CCDC40: variants seen among roughly 807,000 people sequenced by gnomAD.
CCDC40 encodes the protein coiled-coil domain 40 molecular ruler complex subunit.
A neutral mutation model predicts 124.5 loss-of-function variants in CCDC40; 104 were observed. The ratio of observed to expected loss-of-function variants is 0.84; its 90% CI spans 0.71 to 0.98. The LOEUF (loss-of-function observed/expected upper bound fraction) is 0.98. CCDC40 is among the 50% of genes least tolerant of loss of function. The pLI is 0.00. For synonymous variants in CCDC40, 580 were observed against 602.9 expected, an observed-to-expected ratio of 0.96 and a Z score of 0.56; for missense variants, 1,463 against 1,503.9, an observed-to-expected ratio of 0.97 and a Z score of 0.45.
At chr17:80,039,107 C>G (rs1276957002) in intron 2 of CCDC40, among the ~76,000 whole-genome samples, 2 of 152,142 alleles carry the variant, frequency 1.3e-5, no homozygotes, top group African/African-American at 4.8e-5. Flanking sequence ...TGGCTCACGC[C>G]TGTGGTCCCG....
intron 1 of CCDC40, among the ~76,000 whole-genome samples, chr17:80,037,720 T>TATATATATATA (rs1555889200): frequency 8.1e-4 from 114 of 141,268 alleles, no homozygotes; most frequent in East Asian, 2.7e-3. Context: ...TATATATATA[T>TATATATATATA]TCCTGTGCTA....
chr17:80,090,378 GAC>G (rs1043194117), intron 17 of CCDC40: 27 of 1,105,966 alleles, frequency 2.4e-5, no homozygotes, highest in Admixed American at 9.5e-5. Flanking sequence ...ACGAACACAG[GAC>G]ACACACAGCA....
In CCDC40 at chr17:80,087,898, A is replaced by T; in HGVS notation, c.2620-113A>T. The stretch of plus-strand genomic sequence containing the variant: ...ACCCGTTCAAGATGCTTGTAGGGGT[A>T]TTAGAAATCCAGCCTGCAGCCCTGC... On this transcript the variant is annotated intron_variant, in intron 15 of 19. Transcript: ENST00000397545. The surrounding 1 kb of genome is among the most constrained non-coding windows in gnomAD (Gnocchi z 4.5). The T allele has an allele frequency of 2.4e-6, 3 of 1,276,236 alleles. No homozygotes were observed. Among genetic ancestry groups the T allele is most frequent in the Non-Finnish European group, 3.4e-6 (3 of 873,846 alleles). 79.1% of individuals were successfully genotyped at this position (1,276,236 alleles called of 1,614,324 possible).
At chr17:80,059,488 T>TA (rs538629976) in intron 9 of CCDC40, among the ~76,000 whole-genome samples, 260 of 120,842 alleles carry the variant, frequency 2.2e-3, no homozygotes, top group East Asian at 5.8e-3. Flanking sequence ...TACTGCAACT[T>TA]AAAAAAAAAA....
In CCDC40 at chr17:80,089,814, G is replaced by A. The variant is rs745319642; in HGVS notation, c.2762G>A (p.Arg921His). 9.3e-6 allele frequency: 15 copies of A among 1,614,134 alleles called. No homozygotes were observed. Among genetic ancestry groups the A allele is most frequent in the Admixed American group, 3.3e-5 (2 of 60,006 alleles). ...EKKIQLAKEM[R>H]SSVDSEIGQT... ...AAAATCCAACTGGCAAAAGAGATGC[G>A]TTCCTCAGTGGATTCCGAGATCGGC... The change falls in exon 17 of 20, where the codon CGT (arginine) becomes CAT (histidine). Residue 921 changes from arginine to histidine, a missense_variant. Physicochemically the swap from Arg to His is conservative, Grantham distance 29. Transcript: ENST00000397545.
chr17:80,053,852 A>G (rs2037668785), intron 7 of CCDC40, among the ~76,000 whole-genome samples: 1 of 152,194 alleles, frequency 6.6e-6, no homozygotes, highest in Non-Finnish European at 1.5e-5. Flanking sequence ...TGGCCTCCCA[A>G]TGCATACAGA....
rs563371638 is a variant in CCDC40 at position 80,066,286 on chromosome 17, C to G, written c.1562+680C>G. Reference sequence around the variant, plus strand: ...AGCAAGCGCTCAAGAAAGGCTGGACCAAGGAATGAGGGTCTGGCTGGCCCC... The same window carrying G: ...AGCAAGCGCTCAAGAAAGGCTGGACGAAGGAATGAGGGTCTGGCTGGCCCC... On this transcript the variant is annotated intron_variant, in intron 10 of 19. Coordinates refer to ENST00000397545, the MANE Select transcript of CCDC40 (RefSeq NM_017950.4). The surrounding 1 kb of genome is among the most constrained non-coding windows in gnomAD (Gnocchi z 4.4). The G allele has an allele frequency of 3.5e-4, 226 of 653,056 alleles. 1 individual carries two copies. The South Asian group carries it at 3.6e-3, about 10-fold the overall frequency. The allele number at this position is 653,056 out of a possible 1,614,324, so 40.5% of individuals were successfully genotyped here.
Position 80,081,704 on chromosome 17 carries a change from C to A in CCDC40, c.1721C>A (p.Thr574Asn), listed in dbSNP as rs202093340. ...LLQKLTTQCL[T>N]KQVALQSQFN... ...CAGAAGCTCACCACCCAGTGCCTGA[C>A]CAAGCAGGTGGCCCTGCAGAGCCAG... The change falls in exon 11 of 20, where the codon ACC (threonine) becomes AAC (asparagine). Residue 574 changes from threonine (T) to asparagine (N), a missense_variant. Coordinates refer to ENST00000397545, the MANE Select transcript of CCDC40 (RefSeq NM_017950.4). 234 of 1,614,192 alleles carry A rather than the reference C, an allele frequency of 1.4e-4. 2 individuals carry two copies. The East Asian group carries it at 5.0e-3, about 35-fold the overall frequency.
At position 80,087,587 on chromosome 17, in the gene CCDC40, G is replaced by C; in HGVS notation, c.2450-20G>C. The C allele has an allele frequency of 6.2e-7, 1 of 1,612,938 alleles. No homozygotes were observed. The highest frequency in any genetic ancestry group is 8.5e-7 in the Non-Finnish European group (1 of 1,178,980). Reference sequence around the variant, plus strand: ...GTACCCTCCTGGGGTCTCTCCCTGAGTCTCTGTTTTCTGCCATAGGCAAGA... The same window carrying C: ...GTACCCTCCTGGGGTCTCTCCCTGACTCTCTGTTTTCTGCCATAGGCAAGA... On this transcript the variant is annotated intron_variant, in intron 14 of 19. Transcript: ENST00000397545. This position sits in a 1 kb window ranked among gnomAD's most constrained non-coding sequence, Gnocchi z 4.5.
At chr17:80,072,130 G>A (rs903618505) in intron 10 of CCDC40, among the ~76,000 whole-genome samples, 7 of 152,046 alleles carry the variant, frequency 4.6e-5, no homozygotes, top group African/African-American at 9.7e-5. Context: ...CGTGAGCCAC[G>A]GCACCAGCCT....
chr17:80,098,497 G>A (rs2038851690), intron 19 of CCDC40, among the ~76,000 whole-genome samples: 1 of 152,250 alleles, frequency 6.6e-6, no homozygotes, highest in South Asian at 2.1e-4. Flanking sequence ...TATGCGTTAT[G>A]CCAACATCGC....
intron 10 of CCDC40, among the ~76,000 whole-genome samples, chr17:80,080,873 G>A (rs375399666): frequency 5.3e-5 from 8 of 152,156 alleles, no homozygotes; most frequent in Admixed American, 2.0e-4. Context: ...AGTGACTACA[G>A]TTCACGGTAA....
chr17:80,051,788 G>A (rs975108314), intron 7 of CCDC40, among the ~76,000 whole-genome samples: 10 of 152,336 alleles, frequency 6.6e-5, no homozygotes, highest in African/African-American at 1.7e-4. Context: ...GAAGGAGGAC[G>A]CGTGCCCCTA....
chr17:80,050,406 C>T, intron 7 of CCDC40, 123 bp downstream of exon 7: 3 of 770,086 alleles, frequency 3.9e-6, no homozygotes, highest in Non-Finnish European at 6.7e-6. Flanking sequence ...GGGGTTCCCA[C>T]CCTTTTTAGG....
intron 13 of CCDC40, 99 bp from the exon 14 acceptor site, chr17:80,085,904 G>A (rs890967427): frequency 1.6e-5 from 17 of 1,092,216 alleles, no homozygotes; most frequent in Non-Finnish European, 2.0e-5. Context: ...TCCTGACCTC[G>A]GGTGATCCAC....
rs901218376 is a variant in CCDC40 at position 80,042,032 on chromosome 17, A to G, written c.552+1762A>G. Among the ~76,000 whole-genome samples, 71 of 152,166 alleles carry G rather than the reference A, an allele frequency of 4.7e-4. 4 individuals carry two copies. Among genetic ancestry groups the G allele is most frequent in the Non-Finnish European group, 2.9e-5 (2 of 68,026 alleles). ...TATTTAGAATGGGAAAAAAATTGCAACAGATTCCAACCAGTTATTGAGGAC... is the reference window on the plus strand; with the variant it reads ...TATTTAGAATGGGAAAAAAATTGCAGCAGATTCCAACCAGTTATTGAGGAC... On this transcript the variant is annotated intron_variant, in intron 3 of 19. Transcript: ENST00000397545.
At position 80,047,314 on chromosome 17, in the gene CCDC40, C is replaced by T; in HGVS notation, c.588C>T (p.Leu196=). 6.2e-7 allele frequency: 1 copy of T among 1,613,886 alleles called. No individual in the cohort carries two copies. Among genetic ancestry groups the T allele is most frequent in the Non-Finnish European group, 8.5e-7 (1 of 1,179,840 alleles). Residue 196 remains leucine, a synonymous_variant, in exon 4 of 20, where the codon CTC becomes CTT. Coordinates refer to ENST00000397545, the MANE Select transcript of CCDC40 (RefSeq NM_017950.4). The part of the protein sequence containing the change: ...GSTEEPQGQV[L]PMGVQHRFRL... ...CAGAGGAGCCCCAGGGGCAGGTGCTCCCAATGGGCGTCCAGCACCGCTTCC... is the reference window on the plus strand; with the variant it reads ...CAGAGGAGCCCCAGGGGCAGGTGCTTCCAATGGGCGTCCAGCACCGCTTCC...
intron 10 of CCDC40, among the ~76,000 whole-genome samples, chr17:80,074,232 C>T (rs1055754581): frequency 3.3e-5 from 5 of 152,032 alleles, no homozygotes; most frequent in African/African-American, 7.2e-5. Context: ...ACCTTCCGGC[C>T]GGGCGCGGTG....
chr17:80,069,691 C>T (rs972261429), intron 10 of CCDC40, among the ~76,000 whole-genome samples: 12 of 151,684 alleles, frequency 7.9e-5, no homozygotes, highest in Non-Finnish European at 1.5e-4. Flanking sequence ...GTGGAGGTGG[C>T]GGTGAAGCAA....
Sources: gnomAD v4.1 joint callset for allele counts (sites outside exome capture counted in the v4.1 genomes callset) on GRCh38, gnomAD v4.1.1 for gene constraint, Gnocchi (gnomAD v3.1) non-coding constraint, MANE v1.5 for transcripts, NCBI Gene and HGNC (gene_info 2026-07-23, HGNC 2026-07-21) for gene names.